Variants in RABGAP1 observed in about 807,000 individuals in gnomAD.
The protein encoded by RABGAP1 is rab GTPase-activating protein 1.
A neutral mutation model predicts 137.6 loss-of-function variants in RABGAP1; 23 were observed. The ratio of observed to expected loss-of-function variants is 0.17; its 90% CI spans 0.12 to 0.24. The LOEUF is 0.24. Among genes scored for constraint, RABGAP1 ranks in the 10% least tolerant of loss-of-function variants. RABGAP1 has a pLI of 1.00. For synonymous variants in RABGAP1, 451 were observed against 450.7 expected (o/e 1.00, Z -0.01); for missense variants, 906 against 1,275.8 (o/e 0.71, Z 4.42).
At chr9:123,023,592 T>C (rs2031781035) in intron 13 of RABGAP1, among the ~76,000 whole-genome samples, 2 of 152,018 alleles carry the variant, frequency 1.3e-5, no homozygotes, top group South Asian at 4.1e-4. Context: ...TTTTTTGTTG[T>C]CTTTTTAAAA....
At chr9:123,023,656 G>A (rs576069896) in intron 13 of RABGAP1, among the ~76,000 whole-genome samples, 22 of 151,916 alleles carry the variant, frequency 1.4e-4, no homozygotes, top group African/African-American at 4.1e-4. Flanking sequence ...AAATATATTC[G>A]GCTATTACAA....
At chr9:122,981,671 C>T (rs1298153284) in intron 2 of RABGAP1, among the ~76,000 whole-genome samples, 1 of 152,170 alleles carries the variant, frequency 6.6e-6, no homozygotes, top group Non-Finnish European at 1.5e-5. Context: ...GTTTCAGAAC[C>T]TTGAAAGGCA....
intron 19 of RABGAP1, among the ~76,000 whole-genome samples, chr9:123,081,252 C>A (rs2034697457): frequency 6.6e-6 from 1 of 152,064 alleles, no homozygotes; most frequent in African/African-American, 2.4e-5. Flanking sequence ...AATAGTAAGC[C>A]ATTAGTAAGT....
At chr9:123,036,897 G>A (rs1478686538) in intron 13 of RABGAP1, among the ~76,000 whole-genome samples, 2 of 151,746 alleles carry the variant, frequency 1.3e-5, no homozygotes, top group Admixed American at 6.6e-5. Context: ...TGAGAGTTAT[G>A]TGTGTTTGTA....
At chr9:123,064,339 G>C (rs1427021940) in intron 13 of RABGAP1, among the ~76,000 whole-genome samples, 1 of 152,170 alleles carries the variant, frequency 6.6e-6, no homozygotes, top group African/African-American at 2.4e-5. Context: ...ATCCTTGAAG[G>C]TATAAATAGT....
At chr9:123,093,687 A>G (rs1440201330) in intron 21 of RABGAP1, among the ~76,000 whole-genome samples, 4 of 152,244 alleles carry the variant, frequency 2.6e-5, no homozygotes, top group African/African-American at 7.2e-5. Flanking sequence ...CCTTAAGCCA[A>G]TACCACACTG....
intron 19 of RABGAP1, among the ~76,000 whole-genome samples, chr9:123,086,739 G>A (rs1045667356): frequency 2.0e-5 from 3 of 152,148 alleles, no homozygotes; most frequent in Non-Finnish European, 4.4e-5. Flanking sequence ...GAGAAGAGGT[G>A]AGGGTGAAGA....
intron 13 of RABGAP1, among the ~76,000 whole-genome samples, chr9:123,023,548 C>T (rs983819429): frequency 2.6e-5 from 4 of 152,056 alleles, no homozygotes; most frequent in East Asian, 1.9e-4. Flanking sequence ...TCACTTCTTT[C>T]GTTCATCTAT....
intron 11 of RABGAP1, among the ~76,000 whole-genome samples, chr9:123,010,980 C>T (rs1195098991): frequency 6.6e-6 from 1 of 150,576 alleles, no homozygotes; most frequent in East Asian, 1.9e-4. Flanking sequence ...CACTGATAAA[C>T]GTTAAGAATC....
chr9:123,087,790 A>G (rs548252966), intron 19 of RABGAP1, among the ~76,000 whole-genome samples: 1 of 152,332 alleles, frequency 6.6e-6, no homozygotes, highest in South Asian at 2.1e-4. Context: ...AGGTGTCCAC[A>G]GTCAATGGGA....
At chr9:122,998,216 C>G (rs533823626) in intron 9 of RABGAP1, among the ~76,000 whole-genome samples, 1 of 152,236 alleles carries the variant, frequency 6.6e-6, no homozygotes, top group East Asian at 1.9e-4. Flanking sequence ...TCTCCTACCT[C>G]AGCCTCCCAA....
chr9:123,089,222 T>C (rs2132209731), intron 19 of RABGAP1, among the ~76,000 whole-genome samples: 1 of 151,812 alleles, frequency 6.6e-6, no homozygotes, highest in South Asian at 2.1e-4. Flanking sequence ...GATAGAGAGG[T>C]GCTAGGATAG....
In RABGAP1 at chr9:123,020,277, T is replaced by G. The variant is rs757856881; in HGVS notation, c.1644-32T>G. 69 of 1,433,758 alleles carry G rather than the reference T, an allele frequency of 4.8e-5. No individual in the cohort carries two copies. In the East Asian group the frequency reaches 1.7e-3, roughly 36 times the overall value. 88.8% of individuals were successfully genotyped at this position (1,433,758 alleles called of 1,614,324 possible). A position where few individuals can be genotyped will look rare whatever the true frequency, so the allele number is the denominator to read the frequency against. ...TTCTTTAGAGAATCTTATCTTCCTT[T>G]TATGATTTATGGTTTATGGCCTTAT... On this transcript the variant is annotated intron_variant, in intron 12 of 25. Transcript: ENST00000373647.
At chr9:123,099,395 T>A in intron 23 of RABGAP1, 83 bp from the exon 24 acceptor site, 2 of 1,288,434 alleles carry the variant, frequency 1.6e-6, no homozygotes, top group Non-Finnish European at 2.2e-6. Context: ...AATTCCAATT[T>A]ACATATTCCA....
At chr9:123,076,800 A>T in intron 19 of RABGAP1, 38 bp downstream of exon 19, 3 of 1,491,048 alleles carry the variant, frequency 2.0e-6, no homozygotes, top group Non-Finnish European at 2.7e-6. Flanking sequence ...TCTGTTTTTC[A>T]CTTAGTGTCT....
intron 10 of RABGAP1, among the ~76,000 whole-genome samples, chr9:123,009,994 A>G (rs2030653478): frequency 6.6e-6 from 1 of 152,172 alleles, no homozygotes; most frequent in Admixed American, 6.5e-5. Flanking sequence ...GCCTTCACTA[A>G]TTTGGGAGAT....
At chr9:122,985,913 C>T (rs1836347235) in intron 3 of RABGAP1, among the ~76,000 whole-genome samples, 1 of 152,078 alleles carries the variant, frequency 6.6e-6, no homozygotes, top group Non-Finnish European at 1.5e-5. Flanking sequence ...CTGAAATGCC[C>T]CAAATAGTAC....
the RABGAP1 span, among the ~76,000 whole-genome samples, chr9:122,935,575 A>G: frequency 6.6e-6 from 1 of 152,166 alleles, no homozygotes; most frequent in African/African-American, 2.4e-5. Flanking sequence ...TTCTGACCTC[A>G]GGTGATCCAC....
chr9:122,956,226 G>C (rs1220494968), intron 1 of RABGAP1, among the ~76,000 whole-genome samples: 4 of 152,132 alleles, frequency 2.6e-5, no homozygotes, highest in African/African-American at 4.8e-5. Flanking sequence ...CAGCTCTAGA[G>C]TTTATGCTAA....
Sources: gnomAD v4.1 joint callset for allele counts (sites outside exome capture counted in the v4.1 genomes callset) on GRCh38, gnomAD v4.1.1 for gene constraint, MANE v1.5 for transcripts, NCBI Gene and HGNC (gene_info 2026-07-23, HGNC 2026-07-21) for gene names.